Variants in ATP8A2 observed in about 807,000 individuals in gnomAD.
ATP8A2 encodes phospholipid-transporting ATPase IB.
In ATP8A2, 100 loss-of-function variants were observed where a neutral mutation model predicts 165.6. The ratio of observed to expected loss-of-function variants is 0.60; its 90% CI spans 0.51 to 0.71. The LOEUF is 0.71. ATP8A2 is among the 30% of genes least tolerant of loss of function. The pLI is 0.00. For missense variants in ATP8A2, 1,227 were observed against 1,479.5 expected, an observed-to-expected ratio of 0.83 and a Z score of 2.80; for synonymous variants, 543 against 548.8, an observed-to-expected ratio of 0.99 and a Z score of 0.15.
At chr13:25,684,324 T>G (rs969583200) in intron 24 of ATP8A2, among the ~76,000 whole-genome samples, 2 of 152,246 alleles carry the variant, frequency 1.3e-5, no homozygotes, top group Non-Finnish European at 1.5e-5. Flanking sequence ...CTAAATTAAC[T>G]CAGGCCTTGG....
intron 6 of ATP8A2, chr13:25,534,230 T>C: frequency 1.9e-6 from 1 of 532,522 alleles, no homozygotes; most frequent in African/African-American, 1.9e-5. Context: ...TGTTTTACAG[T>C]AACACCTTAA....
intron 24 of ATP8A2, among the ~76,000 whole-genome samples, chr13:25,600,632 C>A (rs1374484240): frequency 6.6e-6 from 1 of 152,130 alleles, no homozygotes; most frequent in Non-Finnish European, 1.5e-5. Context: ...GGAGCCACTG[C>A]CAACGTCCTG....
chr13:25,427,049 G>A (rs75859837), intron 1 of ATP8A2, among the ~76,000 whole-genome samples: 2,445 of 152,334 alleles, frequency 0.016, 31 homozygotes, highest in Non-Finnish European at 0.026. Flanking sequence ...GAAAGCCAGA[G>A]GGGGTGTGAG....
chr13:25,807,246 T>C (rs904812191), intron 27 of ATP8A2, among the ~76,000 whole-genome samples: 1 of 152,062 alleles, frequency 6.6e-6, no homozygotes, highest in African/African-American at 2.4e-5. Flanking sequence ...GTGCCTTATC[T>C]AAAAAATTAC....
chr13:25,936,963 A>G (rs1954909933), intron 33 of ATP8A2, among the ~76,000 whole-genome samples: 1 of 152,196 alleles, frequency 6.6e-6, no homozygotes, highest in Admixed American at 6.5e-5. Flanking sequence ...CAGAAAGCTC[A>G]CCAGAGGTGG....
rs1420093042 is a variant in ATP8A2 at position 25,797,973 on chromosome 13, A to G, written c.2679+23014A>G. On this transcript the variant is annotated intron_variant, in intron 27 of 36. Transcript: ENST00000381655. ...ATCTGACTATTTAAGAGATAAGTGAATCTTAAATTCTTAATTTACAAAAGT... is the reference window on the plus strand; with the variant it reads ...ATCTGACTATTTAAGAGATAAGTGAGTCTTAAATTCTTAATTTACAAAAGT... Among the ~76,000 whole-genome samples, 3 of 152,218 alleles carry G rather than the reference A, an allele frequency of 2.0e-5. No homozygotes were observed. The East Asian group carries it at 5.8e-4, about 29-fold the overall frequency.
intron 1 of ATP8A2, among the ~76,000 whole-genome samples, chr13:25,383,133 C>G (rs2032914219): frequency 6.6e-6 from 1 of 151,830 alleles, no homozygotes; most frequent in Non-Finnish European, 1.5e-5. Flanking sequence ...ACAACCTCCT[C>G]CTCCCGGGTT....
intron 35 of ATP8A2, among the ~76,000 whole-genome samples, chr13:25,974,805 C>T (rs1593654482): frequency 6.6e-6 from 1 of 152,214 alleles, no homozygotes. Flanking sequence ...TGCCAGGTCT[C>T]GGCGTCTTCC....
intron 1 of ATP8A2, among the ~76,000 whole-genome samples, chr13:25,434,601 G>A (rs940949642): frequency 6.6e-6 from 1 of 151,998 alleles, no homozygotes; most frequent in Non-Finnish European, 1.5e-5. Flanking sequence ...CGCCTGCTTC[G>A]GCCTTCCAAA....
chr13:25,455,570 TAA>T (rs1452992052), intron 1 of ATP8A2, among the ~76,000 whole-genome samples: 2 of 152,228 alleles, frequency 1.3e-5, no homozygotes, highest in East Asian at 3.8e-4. Flanking sequence ...TCATTGATAT[TAA>T]AAGCCTTTCA....
At chr13:25,765,868 G>T in intron 25 of ATP8A2, among the ~76,000 whole-genome samples, 1 of 152,046 alleles carries the variant, frequency 6.6e-6, no homozygotes, top group East Asian at 1.9e-4. Flanking sequence ...AAAAAAACCC[G>T]GGTCTGTTTA....
At chr13:25,697,612 T>G (rs141629453) in intron 24 of ATP8A2, among the ~76,000 whole-genome samples, 19 of 152,310 alleles carry the variant, frequency 1.2e-4, no homozygotes, top group African/African-American at 4.6e-4. Context: ...GAATAAATAG[T>G]AAGAGGAAGA....
intron 1 of ATP8A2, among the ~76,000 whole-genome samples, chr13:25,411,495 A>G (rs2033963481): frequency 6.6e-6 from 1 of 152,206 alleles, no homozygotes; most frequent in African/African-American, 2.4e-5. Flanking sequence ...AATCTCAGAG[A>G]GTTGTCTATC....
intron 27 of ATP8A2, among the ~76,000 whole-genome samples, chr13:25,806,473 A>G (rs1399726610): frequency 1.3e-5 from 2 of 152,134 alleles, no homozygotes; most frequent in African/African-American, 4.8e-5. Flanking sequence ...CAACATTACC[A>G]GGAATGTCAT....
intron 1 of ATP8A2, among the ~76,000 whole-genome samples, chr13:25,438,296 T>C (rs931436025): frequency 1.1e-4 from 16 of 152,200 alleles, no homozygotes; most frequent in Admixed American, 5.9e-4. Flanking sequence ...ATGATTTCCA[T>C]TGAAAGATTT....
chr13:25,956,881 C>T (rs769004730), intron 33 of ATP8A2, among the ~76,000 whole-genome samples: 59 of 152,312 alleles, frequency 3.9e-4, no homozygotes, highest in Admixed American at 2.6e-3. Context: ...TATTACAAGG[C>T]TACAGTAACC....
At chr13:25,726,092 G>T (rs763527631) in intron 25 of ATP8A2, among the ~76,000 whole-genome samples, 5 of 152,136 alleles carry the variant, frequency 3.3e-5, no homozygotes, top group Non-Finnish European at 7.4e-5. Flanking sequence ...CGTTTGTTTC[G>T]AATGCATCAG....
At chr13:25,514,507 A>C (rs1299856872) in intron 2 of ATP8A2, among the ~76,000 whole-genome samples, 3 of 151,998 alleles carry the variant, frequency 2.0e-5, no homozygotes, top group Non-Finnish European at 2.9e-5. Flanking sequence ...TTTAGACATG[A>C]GTGTATGAGG....
intron 24 of ATP8A2, among the ~76,000 whole-genome samples, chr13:25,609,717 G>A (rs1022973595): frequency 6.6e-6 from 1 of 150,914 alleles, no homozygotes; most frequent in Non-Finnish European, 1.5e-5. Context: ...TTCCATAGTG[G>A]TTGTACTAGT....
Sources: allele counts gnomAD v4.1 joint callset (sites outside exome capture counted in the v4.1 genomes callset), GRCh38; gene constraint gnomAD v4.1.1; transcripts MANE v1.5; gene names NCBI Gene and HGNC (gene_info 2026-07-23, HGNC 2026-07-21).